AHNAK2: variants seen among roughly 807,000 people sequenced by gnomAD.
AHNAK2 encodes protein AHNAK2.
Under a neutral mutation model 30.7 loss-of-function variants are expected in AHNAK2, and 18 were observed. That is an observed-to-expected ratio of 0.59 (90% CI 0.41 to 0.87). AHNAK2 has a LOEUF of 0.87. Among genes scored for constraint, AHNAK2 ranks in the 40% least tolerant of loss-of-function variants. The pLI is 0.00. For missense variants in AHNAK2, 8,604 were observed against 7,373.0 expected (o/e 1.17, Z -6.11); for synonymous variants, 3,590 against 3,073.8 (o/e 1.17, Z -5.56).
chr14:104,939,398 A>G lies in AHNAK2; in HGVS notation c.16053T>C (p.Pro5351=), dbSNP rs767660852. 33 of 1,613,492 alleles carry G rather than the reference A, an allele frequency of 2.0e-5. No individual in the cohort carries two copies. The South Asian group carries it at 3.4e-4, about 17-fold the overall frequency. The change falls in exon 7 of 7, where the codon CCT becomes CCC. Residue 5351 remains proline (P), a synonymous_variant. Transcript: ENST00000333244. The stretch of plus-strand genomic sequence containing the variant: ...AAGCTTTCAATTTAAGTGGACCTTC[A>G]GGCTGGGAAGACCATTTCTCTGTTT... ...EDKTEKWSSQ[P]EGPLKLKASS... is the part of the protein sequence containing the mutation.
chr14:104,954,408 C>T lies in AHNAK2; in HGVS notation c.1043G>A (p.Ser348Asn). The T allele has an allele frequency of 6.2e-7, 1 of 1,613,004 alleles. No homozygotes were observed. Among genetic ancestry groups the T allele is most frequent in the Non-Finnish European group, 8.5e-7 (1 of 1,179,702 alleles). ...CAGGACCCCAGCACGGCCCACCCCACTCTGGAACCCCCTGCCTGGCTGTCC... is the reference window on the plus strand; with the variant it reads ...CAGGACCCCAGCACGGCCCACCCCATTCTGGAACCCCCTGCCTGGCTGTCC... Reference protein sequence around the residue: ...STGQPGRGFQSGVGRAGVLEE... With the variant: ...STGQPGRGFQNGVGRAGVLEE... Residue 348 changes from serine to asparagine, a missense_variant, in exon 7 of 7, where the codon AGT becomes AAT. By Grantham distance (46) the Ser-to-Asn change is conservative. Coordinates refer to ENST00000333244, the MANE Select transcript of AHNAK2 (RefSeq NM_138420.4). The surrounding 1 kb of genome is among the most constrained non-coding windows in gnomAD (Gnocchi z 4.3).
intron 1 of AHNAK2, among the ~76,000 whole-genome samples, chr14:104,971,941 C>A (rs1314780855): frequency 6.6e-6 from 1 of 152,264 alleles, no homozygotes; most frequent in Non-Finnish European, 1.5e-5. Context: ...GATGGAACGG[C>A]TTGCACCTGC....
In AHNAK2 at chr14:104,955,143, T is replaced by TAGA. The variant is rs1238175226; in HGVS notation, c.467-5_467-3dup. The TAGA allele has an allele frequency of 1.9e-6, 3 of 1,601,704 alleles. No homozygotes were observed. In the African/African-American group the frequency reaches 4.0e-5, roughly 21 times the overall value. On this transcript the variant is annotated splice_polypyrimidine_tract_variant and splice_region_variant and intron_variant, in intron 5 of 6. Coordinates refer to ENST00000333244, the MANE Select transcript of AHNAK2 (RefSeq NM_138420.4). ...CGGTTGTACTGAGCAGCTGATCCCC[T>TAGA]AGACCAAGAAAGAGCAGCCCCAGGG... is the stretch of plus-strand genomic sequence containing the variant.
Position 104,948,123 on chromosome 14 carries a change from T to C in AHNAK2, c.7328A>G (p.Glu2443Gly), listed in dbSNP as rs1898406417. The change falls in exon 7 of 7, where the codon GAG becomes GGG. Residue 2443 changes from glutamate (E) to glycine (G), a missense_variant. Physicochemically the swap from Glu to Gly is moderately conservative, Grantham distance 98 (BLOSUM62 -2). Transcript: ENST00000333244. ...PKTDVMAPDV[E>G]VSQPSVEVDV... is the part of the protein sequence containing the mutation. Reference sequence around the variant, plus strand: ...CACCTCCACGCTGGGCTGAGACACCTCCACGTCGGGGGCCATCACGTCCGT... The same window carrying C: ...CACCTCCACGCTGGGCTGAGACACCCCCACGTCGGGGGCCATCACGTCCGT... The C allele has an allele frequency of 6.2e-7, 1 of 1,612,132 alleles. No individual in the cohort carries two copies. The highest frequency in any genetic ancestry group is 8.5e-7 in the Non-Finnish European group (1 of 1,179,508).
chr14:104,953,934 C>G lies in AHNAK2; in HGVS notation c.1517G>C (p.Arg506Thr), dbSNP rs775654287. Residue 506 changes from arginine (R) to threonine (T), a missense_variant, in exon 7 of 7, where the codon AGG becomes ACG. Arg to Thr is a moderately conservative substitution (Grantham distance 71, BLOSUM62 -1). Coordinates refer to ENST00000333244, the MANE Select transcript of AHNAK2 (RefSeq NM_138420.4). Reference sequence around the variant, plus strand: ...CCCTCGCTGTGGGGTACTAAGGCGCCTTTCTCTTTCTGGCTCTTTTTCTGT... The same window carrying G: ...CCCTCGCTGTGGGGTACTAAGGCGCGTTTCTCTTTCTGGCTCTTTTTCTGT... ...FSTEKEPERE[R>T]RLSTPQRGKR... 1.2e-6 allele frequency: 2 copies of G among 1,613,978 alleles called. No individual in the cohort carries two copies. The highest frequency in any genetic ancestry group is 2.2e-5 in the East Asian group (1 of 44,888).
Position 104,941,390 on chromosome 14 carries a change from C to T in AHNAK2, c.14061G>A (p.Gly4687=), listed in dbSNP as rs935929700. Residue 4687 remains glycine (G), a synonymous_variant, in exon 7 of 7, where the codon GGG becomes GGA. Coordinates refer to ENST00000333244, the MANE Select transcript of AHNAK2 (RefSeq NM_138420.4). ...LHDPSRDGNL[G]LAVGEVGMDS... ...CCATTCCAACTTCTCCAACAGCAAGCCCCAAGTTACCATCGCGAGATGGAT... is the reference window on the plus strand; with the variant it reads ...CCATTCCAACTTCTCCAACAGCAAGTCCCAAGTTACCATCGCGAGATGGAT... 5 of 1,613,194 alleles carry T rather than the reference C, an allele frequency of 3.1e-6. No homozygotes were observed. In the African/African-American group the frequency reaches 6.7e-5, roughly 22 times the overall value.
Position 104,939,102 on chromosome 14 carries a change from T to G in AHNAK2, c.16349A>C (p.Asp5450Ala), listed in dbSNP as rs745529332. The G allele has an allele frequency of 9.3e-6, 15 of 1,604,970 alleles. No homozygotes were observed. Among genetic ancestry groups the G allele is most frequent in the African/African-American group, 8.0e-5 (6 of 74,700 alleles). The change falls in exon 7 of 7, where the codon GAC (aspartate) becomes GCC (alanine). Residue 5450 changes from aspartate (D) to alanine (A), a missense_variant. By Grantham distance (126) the Asp-to-Ala change is moderately radical. Transcript: ENST00000333244. Reference sequence around the variant, plus strand: ...GGGAGCTTCCAAAGGCAGGTTAAGGTCCACAGGCTGCTCCCCAGGGACCCC... The same window carrying G: ...GGGAGCTTCCAAAGGCAGGTTAAGGGCCACAGGCTGCTCCCCAGGGACCCC... ...GAGVPGEQPV[D>A]LNLPLEAPPI...
rs369118861 is a variant in AHNAK2 at position 104,938,723 on chromosome 14, C to A, written c.16728G>T (p.Met5576Ile). ...LQPDTGEPFE[M>I]ISSSVNVLGQ... The stretch of plus-strand genomic sequence containing the variant: ...CCAGTACATTGACGCTGGAAGAGAT[C>A]ATCTCAAATGGTTCTCCAGTGTCAG... Residue 5576 changes from methionine (M) to isoleucine (I), a missense_variant, in exon 7 of 7, where the codon ATG becomes ATT. Coordinates refer to ENST00000333244, the MANE Select transcript of AHNAK2 (RefSeq NM_138420.4). 9.3e-6 allele frequency: 15 copies of A among 1,613,552 alleles called. No individual in the cohort carries two copies. The highest frequency in any genetic ancestry group is 2.7e-5 in the African/African-American group (2 of 74,902).
In AHNAK2 at chr14:104,954,528, C is replaced by T. The variant is rs755439405; in HGVS notation, c.923G>A (p.Arg308His). ...TDTEAQLTVE[R>H]QEQKAGPGSQ... ...GCCCGGCCCTGCCTTCTGCTCTTGG[C>T]GCTCCACCGTGAGCTGGGCCTCTGT... The change falls in exon 7 of 7, where the codon CGC becomes CAC. Residue 308 changes from arginine to histidine, a missense_variant. Physicochemically the swap from Arg to His is conservative, Grantham distance 29. Transcript: ENST00000333244. The surrounding 1 kb of genome is among the most constrained non-coding windows in gnomAD (Gnocchi z 4.3). 79 of 1,610,442 alleles carry T rather than the reference C, an allele frequency of 4.9e-5. No homozygotes were observed. Among genetic ancestry groups the T allele is most frequent in the East Asian group, 6.7e-5 (3 of 44,860 alleles).
intron 1 of AHNAK2, among the ~76,000 whole-genome samples, chr14:104,972,752 C>T (rs892227156): frequency 2.6e-5 from 4 of 152,234 alleles, no homozygotes; most frequent in Non-Finnish European, 5.9e-5. Context: ...ACTCTAAGCA[C>T]GTGCCACTGG....
At position 104,947,522 on chromosome 14, in the gene AHNAK2, G is replaced by C; in HGVS notation, c.7929C>G (p.Ala2643=). The change falls in exon 7 of 7, where the codon GCC becomes GCG. Residue 2643 remains alanine (A), a synonymous_variant. Transcript: ENST00000333244. ...DLSLADKGVT[A]KDSKFKMPKF... is the part of the protein sequence containing the mutation. ...TGGGCATTTTGAACTTGCTATCTTT[G>C]GCTGTCACACCCTTGTCGGCCAGGG... 6.2e-7 allele frequency: 1 copy of C among 1,612,272 alleles called. No individual in the cohort carries two copies. The highest frequency in any genetic ancestry group is 8.5e-7 in the Non-Finnish European group (1 of 1,179,526).
chr14:104,940,342 C>G lies in AHNAK2; in HGVS notation c.15109G>C (p.Gly5037Arg). The stretch of plus-strand genomic sequence containing the variant: ...ACGTCTCTCTGTGGCAGGCTGACCC[C>G]ACTCTTAGAAGCCTTCATTTTGGGA... ...ALPKMKASKS[G>R]VSLPQRDVDP... is the part of the protein sequence containing the mutation. Residue 5037 changes from glycine to arginine, a missense_variant, in exon 7 of 7, where the codon GGG becomes CGG. Physicochemically the swap from Gly to Arg is moderately radical, Grantham distance 125. Coordinates refer to ENST00000333244, the MANE Select transcript of AHNAK2 (RefSeq NM_138420.4). The surrounding 1 kb of genome is among the most constrained non-coding windows in gnomAD (Gnocchi z 4.4). 1 of 1,613,834 alleles carries G rather than the reference C, an allele frequency of 6.2e-7. No homozygotes were observed. Among genetic ancestry groups the G allele is most frequent in the Non-Finnish European group, 8.5e-7 (1 of 1,179,898 alleles).
rs114755831 is a variant in AHNAK2, at chr14:104,948,006, C to G, written c.7445G>C (p.Arg2482Thr). ...ADKDVTTKDS[R>T]FKIPKFKMPS... is the part of the protein sequence containing the mutation. Reference sequence around the variant, plus strand: ...CATCTTGAACTTGGGAATTTTGAACCTGCTGTCTTTGGTAGTCACATCCTT... The same window carrying G: ...CATCTTGAACTTGGGAATTTTGAACGTGCTGTCTTTGGTAGTCACATCCTT... The change falls in exon 7 of 7, where the codon AGG becomes ACG. Residue 2482 changes from arginine to threonine, a missense_variant. Transcript: ENST00000333244. 32 of 1,610,396 alleles carry G rather than the reference C, an allele frequency of 2.0e-5. No homozygotes were observed. The highest frequency in any genetic ancestry group is 2.7e-5 in the Non-Finnish European group (32 of 1,178,908).
Position 104,947,967 on chromosome 14 carries a change from A to G in AHNAK2, c.7484T>C (p.Val2495Ala), listed in dbSNP as rs374411372. The G allele has an allele frequency of 1.3e-4, 206 of 1,612,394 alleles. 3 individuals are homozygous for G. The highest frequency in any genetic ancestry group is 1.2e-3 in the East Asian group (52 of 44,724). Reference sequence around the variant, plus strand: ...CTCGATGGACTTGCCTGGGGCAGACACCCCGAATGACGGCATCTTGAACTT... The same window carrying G: ...CTCGATGGACTTGCCTGGGGCAGACGCCCCGAATGACGGCATCTTGAACTT... ...IPKFKMPSFG[V>A]SAPGKSIEAS... Residue 2495 changes from valine to alanine, a missense_variant, in exon 7 of 7, where the codon GTG (valine) becomes GCG (alanine). By Grantham distance (64) the Val-to-Ala change is moderately conservative. Coordinates refer to ENST00000333244, the MANE Select transcript of AHNAK2 (RefSeq NM_138420.4).
At position 104,943,678 on chromosome 14, in the gene AHNAK2, G is replaced by A; in HGVS notation, c.11773C>T (p.Pro3925Ser). ...CTGGGCAGAGAAACCTCCACATCAG[G>A]GGCTGTCACTTCCACCTTGGGGTCT... ...LKDPKVEVTA[P>S]DVEVSLPSVE... is the part of the protein sequence containing the mutation. Residue 3925 changes from proline (P) to serine (S), a missense_variant, in exon 7 of 7, where the codon CCT becomes TCT. Physicochemically the swap from Pro to Ser is moderately conservative, Grantham distance 74. Coordinates refer to ENST00000333244, the MANE Select transcript of AHNAK2 (RefSeq NM_138420.4). 1 of 1,613,196 alleles carries A rather than the reference G, an allele frequency of 6.2e-7. No individual in the cohort carries two copies. Among genetic ancestry groups the A allele is most frequent in the Non-Finnish European group, 8.5e-7 (1 of 1,179,650 alleles).
chr14:104,952,385 A>G lies in AHNAK2; in HGVS notation c.3066T>C (p.Asp1022=), dbSNP rs1159422921. ...APGKSIKALV[D]VSAPKVEADL... The stretch of plus-strand genomic sequence containing the variant: ...CGGCCTCCACCTTGGGTGCAGACAC[A>G]TCCACCAAGGCCTTGATGGACTTCC... The change falls in exon 7 of 7, where the codon GAT becomes GAC. Residue 1022 remains aspartate (D), a synonymous_variant. Coordinates refer to ENST00000333244, the MANE Select transcript of AHNAK2 (RefSeq NM_138420.4). 1 of 1,612,662 alleles carries G rather than the reference A, an allele frequency of 6.2e-7. No individual in the cohort carries two copies. Among genetic ancestry groups the G allele is most frequent in the South Asian group, 1.1e-5 (1 of 91,038 alleles).
rs1388057675 is a variant in AHNAK2 at position 104,942,609 on chromosome 14, T to G, written c.12842A>C (p.Glu4281Ala). ...CTTGTCGGCTAGGGACAGGTCACCCTCCAGCCGCACACTGTCCAGCTTGGC... is the reference window on the plus strand; with the variant it reads ...CTTGTCGGCTAGGGACAGGTCACCCGCCAGCCGCACACTGTCCAGCTTGGC... ...PGAKLDSVRL[E>A]GDLSLADKDM... Residue 4281 changes from glutamate (E) to alanine (A), a missense_variant, in exon 7 of 7, where the codon GAG becomes GCG. Physicochemically the swap from Glu to Ala is moderately radical, Grantham distance 107. Coordinates refer to ENST00000333244, the MANE Select transcript of AHNAK2 (RefSeq NM_138420.4). 10 of 1,613,224 alleles carry G rather than the reference T, an allele frequency of 6.2e-6. No homozygotes were observed. The highest frequency in any genetic ancestry group is 2.2e-5 in the East Asian group (1 of 44,768).
chr14:104,941,932 T>C lies in AHNAK2; in HGVS notation c.13519A>G (p.Lys4507Glu). ...GCCTGAATGCGGAGGTCAGTGGTCT[T>C]GAGGTCCCCCTGCATGGAGGGAATG... ...MSIPSMQGDL[K>E]TTDLRIQAPS... Residue 4507 changes from lysine to glutamate, a missense_variant, in exon 7 of 7, where the codon AAG becomes GAG. Transcript: ENST00000333244. 1 of 1,613,472 alleles carries C rather than the reference T, an allele frequency of 6.2e-7. No homozygotes were observed. The highest frequency in any genetic ancestry group is 8.5e-7 in the Non-Finnish European group (1 of 1,179,646).
chr14:104,973,626 C>T (rs899786689), intron 1 of AHNAK2, among the ~76,000 whole-genome samples: 6 of 152,160 alleles, frequency 3.9e-5, no homozygotes, highest in African/African-American at 1.2e-4. Context: ...TGCCACATCC[C>T]GGGTACCCCC....
Sources: gnomAD v4.1 joint callset for allele counts (sites outside exome capture counted in the v4.1 genomes callset) on GRCh38, gnomAD v4.1.1 for gene constraint, Gnocchi (gnomAD v3.1) non-coding constraint, MANE v1.5 for transcripts, NCBI Gene and HGNC (gene_info 2026-07-23, HGNC 2026-07-21) for gene names.